Variants in ZNF584 observed in about 807,000 individuals in gnomAD.
ZNF584 encodes the protein zinc finger protein 584.
Under a neutral mutation model 14.7 loss-of-function variants are expected in ZNF584, and 12 were observed. That is an observed-to-expected ratio of 0.82 (90% confidence interval 0.52 to 1.32). ZNF584 has a LOEUF of 1.32. Among genes scored for constraint, ZNF584 ranks in the 40% most tolerant of loss-of-function variants. ZNF584 has a pLI of 0.00. For missense variants in ZNF584, 478 were observed against 518.8 expected (o/e 0.92, Z 0.76); for synonymous variants, 204 against 190.9 (o/e 1.07, Z -0.57).
chr19:58,418,036 A>G lies in ZNF584; in HGVS notation c.*252A>G. 1 of 514,914 alleles carries G rather than the reference A, an allele frequency of 1.9e-6. No individual in the cohort carries two copies. Among genetic ancestry groups the G allele is most frequent in the Non-Finnish European group, 3.5e-6 (1 of 288,510 alleles). The allele number at this position is 514,914 out of a possible 1,614,324, so 31.9% of individuals were successfully genotyped here. A position where few individuals can be genotyped will look rare whatever the true frequency, so the allele number is the denominator to read the frequency against. On this transcript the variant is annotated 3_prime_UTR_variant, in exon 4 of 4. Transcript: ENST00000306910. The stretch of plus-strand genomic sequence containing the variant: ...TCTATCCACCCCATAAGGTCCCTAC[A>G]GCAAGTGGGACAGCAGACCTTGTGC...
At chr19:58,410,544 T>TTTTTTTTTTTTTTTTTTTTTTTGAGACAG (rs1568584359) in intron 2 of ZNF584, among the ~76,000 whole-genome samples, 2 of 61,730 alleles carry the variant, frequency 3.2e-5, no homozygotes, top group Non-Finnish European at 2.7e-5. Context: ...TATATATATA[T>TTTTTTTTTTTTTTTTTTTTTTTGAGACAG]ATATATATAT....
intron 3 of ZNF584, chr19:58,416,589 A>G (rs1599954698): frequency 4.8e-6 from 2 of 413,858 alleles, no homozygotes; most frequent in Non-Finnish European, 8.5e-6. Flanking sequence ...TTTAGAAGAG[A>G]TGGGGTTTCG....
In ZNF584 at chr19:58,416,403, AT is replaced by A. The variant is rs143334237; in HGVS notation, c.293-391del. 1,229 of 133,028 alleles carry A rather than the reference AT, an allele frequency of 9.2e-3. 9 individuals are homozygous for A. Among genetic ancestry groups the A allele is most frequent in the South Asian group, 0.016 (70 of 4,282 alleles). The allele number at this position is 133,028 out of a possible 1,614,324, so 8.2% of individuals were successfully genotyped here. On this transcript the variant is annotated intron_variant, in intron 3 of 3. Transcript: ENST00000306910. ...AGGCGCCTGCCACCATGCCTGGCTA[AT>A]TTTTTTTTTTTTTTTTGAGTCGGAG...
intron 2 of ZNF584, among the ~76,000 whole-genome samples, chr19:58,411,107 G>A (rs1391688287): frequency 6.6e-6 from 1 of 151,762 alleles, no homozygotes. Context: ...TACTTCTTTC[G>A]TTAAATTTAT....
At chr19:58,408,400 C>T (rs1434008551), upstream of ZNF584, 1 of 152,318 alleles carries the variant, frequency 6.6e-6, no homozygotes, top group Non-Finnish European at 1.5e-5. Flanking sequence ...ATTCTCGCGC[C>T]TTCGTTCGTT....
intron 1 of ZNF584, among the ~76,000 whole-genome samples, chr19:58,403,064 A>G (rs2052442124): frequency 6.6e-6 from 1 of 152,222 alleles, no homozygotes; most frequent in Non-Finnish European, 1.5e-5. Flanking sequence ...ACTCTCGTTT[A>G]CTGCTGATAG....
At chr19:58,412,476 T>G (rs1227889481) in intron 2 of ZNF584, among the ~76,000 whole-genome samples, 1 of 152,156 alleles carries the variant, frequency 6.6e-6, no homozygotes, top group Admixed American at 6.5e-5. Flanking sequence ...CCCAAAGTGC[T>G]GGGATTACAG....
Position 58,409,083 on chromosome 19 carries a change from C to T in ZNF584, c.-65C>T. 2 of 1,456,448 alleles carry T rather than the reference C, an allele frequency of 1.4e-6. No individual in the cohort carries two copies. The highest frequency in any genetic ancestry group is 4.9e-5 in the Admixed American group (2 of 41,032). The allele number at this position is 1,456,448 out of a possible 1,614,324, so 90.2% of individuals were successfully genotyped here. A position where few individuals can be genotyped will look rare whatever the true frequency, so the allele number is the denominator to read the frequency against. ...AGGTTCCACGGCGGCCGAGGGTTTC[C>T]GCGCCCGGGACGCGTTTCGGCTGAG... is the stretch of plus-strand genomic sequence containing the variant. On this transcript the variant is annotated 5_prime_UTR_variant, in exon 1 of 4. Transcript: ENST00000306910.
intron 3 of ZNF584, chr19:58,416,453 G>T: frequency 5.6e-6 from 1 of 179,182 alleles, no homozygotes; most frequent in Non-Finnish European, 1.2e-5. Flanking sequence ...GCCCAGGCTG[G>T]AGTGCAGTGG....
At chr19:58,408,043 A>AT (rs2052489574), upstream of ZNF584, 1 of 152,248 alleles carries the variant, frequency 6.6e-6, no homozygotes, top group East Asian at 1.9e-4. Flanking sequence ...AACACAACTG[A>AT]AACACAACTG....
rs1174648650 is a variant in ZNF584 at position 58,417,064 on chromosome 19, T to G, written c.546T>G (p.Ser182=). ...FALLDHLITH[S]EERPFRCPTG... is the part of the protein sequence containing the mutation. The stretch of plus-strand genomic sequence containing the variant: ...TCCTTGACCATCTGATAACGCATTC[T>G]GAAGAGAGACCCTTCAGATGCCCAA... The change falls in exon 4 of 4, where the codon TCT becomes TCG. Residue 182 remains serine (S), a synonymous_variant. Coordinates refer to ENST00000306910, the MANE Select transcript of ZNF584 (RefSeq NM_173548.3). 4.3e-6 allele frequency: 7 copies of G among 1,613,662 alleles called. No individual in the cohort carries two copies. The Middle Eastern group carries it at 6.6e-4, about 152-fold the overall frequency.
In ZNF584 at chr19:58,417,447, A is replaced by T; in HGVS notation, c.929A>T (p.Asn310Ile). 6.2e-7 allele frequency: 1 copy of T among 1,603,384 alleles called. No homozygotes were observed. The highest frequency in any genetic ancestry group is 8.5e-7 in the Non-Finnish European group (1 of 1,171,212). Residue 310 changes from asparagine (N) to isoleucine (I), a missense_variant, in exon 4 of 4, where the codon AAT becomes ATT. Physicochemically the swap from Asn to Ile is moderately radical, Grantham distance 149. This residue lies in a region of ZNF584 where 283 missense variants were observed against 317.3 expected (regional missense o/e 0.89). Coordinates refer to ENST00000306910, the MANE Select transcript of ZNF584 (RefSeq NM_173548.3). ...GAATGTGGGAAGTTCTTTAAATACA[A>T]TAATAGCTTCATTCTTCACCAGAGA... is the stretch of plus-strand genomic sequence containing the variant. ...CTECGKFFKYNNSFILHQRVH... is the reference protein window; with the variant it reads ...CTECGKFFKYINSFILHQRVH...
chr19:58,410,983 G>C (rs1304796138), intron 2 of ZNF584, among the ~76,000 whole-genome samples: 1 of 149,974 alleles, frequency 6.7e-6, no homozygotes, highest in Non-Finnish European at 1.5e-5. Context: ...GTAGAGACAG[G>C]GTTTCACTTT....
chr19:58,403,974 A>G (rs533257520), upstream of ZNF584, among the ~76,000 whole-genome samples: 31 of 151,956 alleles, frequency 2.0e-4, no homozygotes, highest in East Asian at 2.3e-3. Flanking sequence ...AAAAAAAAAA[A>G]AAGAAGAAAC....
At chr19:58,405,641 C>T (rs2052465447), upstream of ZNF584, 1 of 171,548 alleles carries the variant, frequency 5.8e-6, no homozygotes, top group Non-Finnish European at 1.2e-5. Context: ...GGGCAGTTGC[C>T]AGGCAGAGGG....
intron 2 of ZNF584, among the ~76,000 whole-genome samples, chr19:58,412,114 T>C (rs2052581928): frequency 6.6e-6 from 1 of 150,434 alleles, no homozygotes; most frequent in Non-Finnish European, 1.5e-5. Context: ...CCTGAGTAGC[T>C]GGGTTACAGG....
At chr19:58,410,671 A>ATG (rs1181490177) in intron 2 of ZNF584, among the ~76,000 whole-genome samples, 415 of 11,396 alleles carry the variant, frequency 0.036, 125 homozygotes, top group African/African-American at 0.19. Flanking sequence ...ATATGTATAT[A>ATG]TGTGTATATA....
intron 1 of ZNF584, among the ~76,000 whole-genome samples, chr19:58,402,443 T>A (rs898484571): frequency 1.3e-5 from 2 of 152,226 alleles, no homozygotes; most frequent in African/African-American, 4.8e-5. Context: ...CTCCAAAGAA[T>A]CTCCCAGACA....
Position 58,416,792 on chromosome 19 carries a change from G to T in ZNF584, c.293-19G>T, listed in dbSNP as rs2052647760. 1 of 1,526,294 alleles carries T rather than the reference G, an allele frequency of 6.6e-7. No individual in the cohort carries two copies. 94.5% of individuals were successfully genotyped at this position (1,526,294 alleles called of 1,614,324 possible). On this transcript the variant is annotated intron_variant, in intron 3 of 3. Coordinates refer to ENST00000306910, the MANE Select transcript of ZNF584 (RefSeq NM_173548.3). ...TCCCTCTAGTTCAACTCTTAGTAAT[G>T]ATTCATCTCTGCTTTCAGATGGTTT...
Sources: gnomAD v4.1 joint callset for allele counts (sites outside exome capture counted in the v4.1 genomes callset) on GRCh38, gnomAD v4.1.1 for gene constraint, gnomAD v4.1.1 regional missense constraint, MANE v1.5 for transcripts, NCBI Gene and HGNC (gene_info 2026-07-23, HGNC 2026-07-21) for gene names.